Variants in ZNF100 observed in about 807,000 individuals in gnomAD.
ZNF100 encodes the protein zinc finger protein 100.
Under a neutral mutation model 15.8 loss-of-function variants are expected in ZNF100, and 12 were observed. That is an observed-to-expected ratio of 0.76 (90% CI 0.49 to 1.23). The LOEUF (loss-of-function observed/expected upper bound fraction) is 1.23, where lower values mean the gene tolerates loss of function less well. Ranked by LOEUF, ZNF100 falls within the 50% of genes most tolerant of loss-of-function variation. The pLI is 0.00. For synonymous variants in ZNF100, 226 were observed against 214.8 expected (o/e 1.05, Z -0.45); for missense variants, 670 against 635.6 (o/e 1.05, Z -0.58).
At position 21,726,707 on chromosome 19, in the gene ZNF100, G is replaced by A. The variant is rs758886174; in HGVS notation, c.1605C>T (p.Tyr535=). 1.2e-6 allele frequency: 2 copies of A among 1,609,378 alleles called. No homozygotes were observed. The highest frequency in any genetic ancestry group is 2.2e-5 in the East Asian group (1 of 44,854). The change falls in exon 5 of 5, where the codon TAC becomes TAT. Residue 535 remains tyrosine (Y), a synonymous_variant. Transcript: ENST00000358296. ...SLSLIKQNNS[Y]WRETLQM The stretch of plus-strand genomic sequence containing the variant: ...TTCACATTTGTAGGGTTTCTCTCCA[G>A]TATGAGTTATTTTGTTTAATAAGGC...
At chr19:21,761,855 C>T (rs973491989) in intron 2 of ZNF100, among the ~76,000 whole-genome samples, 2 of 152,176 alleles carry the variant, frequency 1.3e-5, no homozygotes, top group Non-Finnish European at 2.9e-5. Flanking sequence ...TTGCTCACAT[C>T]TTGGAGACAA....
chr19:21,740,631 G>C (rs2036091562), intron 4 of ZNF100, among the ~76,000 whole-genome samples: 1 of 152,268 alleles, frequency 6.6e-6, no homozygotes, highest in African/African-American at 2.4e-5. Flanking sequence ...GAGGTGGGCG[G>C]ATCACCTGAG....
rs2036297964 is a variant in ZNF100, at chr19:21,750,981, C to T, written c.97-5914G>A. 11 of 1,110,164 alleles carry T rather than the reference C, an allele frequency of 9.9e-6. No homozygotes were observed. The East Asian group carries it at 2.5e-4, about 25-fold the overall frequency. The allele number at this position is 1,110,164 out of a possible 1,614,324, so 68.8% of individuals were successfully genotyped here. On this transcript the variant is annotated intron_variant, in intron 2 of 4. Coordinates refer to ENST00000358296, the MANE Select transcript of ZNF100 (RefSeq NM_173531.4). ...GGGGATGCGGTGGCGGTAGCGCCCG[C>T]TTCTGTGGAGCCTACCAGTTGGATT...
rs543682506 is a variant in ZNF100, at chr19:21,725,726, A to T, written c.*957T>A. ...GCATACTTTGAATGCAATAACTGCAAAAAATTTCTACTTTTAAAGTTATAT... is the reference window on the plus strand; with the variant it reads ...GCATACTTTGAATGCAATAACTGCATAAAATTTCTACTTTTAAAGTTATAT... On this transcript the variant is annotated 3_prime_UTR_variant, in exon 5 of 5. Transcript: ENST00000358296. The T allele has an allele frequency of 6.6e-6, 1 of 152,288 alleles. No individual in the cohort carries two copies. The highest frequency in any genetic ancestry group is 2.4e-5 in the African/African-American group (1 of 41,590). 9.4% of individuals were successfully genotyped at this position (152,288 alleles called of 1,614,324 possible).
intron 2 of ZNF100, chr19:21,751,085 C>T: frequency 3.5e-6 from 5 of 1,436,150 alleles, no homozygotes; most frequent in East Asian, 2.3e-5. Context: ...GAGTCAAACC[C>T]TTCTGACCAT....
In ZNF100 at chr19:21,723,965, T is replaced by A. The variant is rs2145671739; in HGVS notation, c.*2718A>T. The A allele has an allele frequency of 6.6e-6, 1 of 152,330 alleles. No individual in the cohort carries two copies. Among genetic ancestry groups the A allele is most frequent in the South Asian group, 2.1e-4 (1 of 4,826 alleles). 9.4% of individuals were successfully genotyped at this position (152,330 alleles called of 1,614,324 possible). On this transcript the variant is annotated 3_prime_UTR_variant, in exon 5 of 5. Transcript: ENST00000358296. ...GTAACTTAATACACTAATTGTGGAA[T>A]TACATTTAAAAATTTTGTATGCACT...
intron 2 of ZNF100, among the ~76,000 whole-genome samples, chr19:21,747,565 C>T (rs1202325906): frequency 6.6e-6 from 1 of 152,200 alleles, no homozygotes; most frequent in African/African-American, 2.4e-5. Flanking sequence ...CTCCCCCAGG[C>T]TCATCATTAG....
chr19:21,750,994 T>C, intron 2 of ZNF100: 1 of 1,168,220 alleles, frequency 8.6e-7, no homozygotes, highest in Non-Finnish European at 1.2e-6. Context: ...CTGTGGAGCC[T>C]ACCAGTTGGA....
At position 21,751,144 on chromosome 19, in the gene ZNF100, G is replaced by A. The variant is rs149889142; in HGVS notation, c.97-6077C>T. On this transcript the variant is annotated intron_variant, in intron 2 of 4. Coordinates refer to ENST00000358296, the MANE Select transcript of ZNF100 (RefSeq NM_173531.4). ...GAGCAAATCTCAAACCGATGTGCGA[G>A]ACAAGAGGAAGAGCAACCACTTAAA... The A allele has an allele frequency of 3.7e-4, 498 of 1,355,466 alleles. No individual in the cohort carries two copies. The African/African-American group carries it at 4.0e-3, about 11-fold the overall frequency. 84.0% of individuals were successfully genotyped at this position (1,355,466 alleles called of 1,614,324 possible).
chr19:21,757,181 T>C (rs1174556684), intron 2 of ZNF100, among the ~76,000 whole-genome samples: 2 of 152,212 alleles, frequency 1.3e-5, no homozygotes, highest in Non-Finnish European at 2.9e-5. Context: ...CACATGCCTA[T>C]AATTCTAGCA....
rs191622970 is a variant in ZNF100 at position 21,744,200 on chromosome 19, G to A, written c.224-85C>T. On this transcript the variant is annotated intron_variant, in intron 3 of 4. Transcript: ENST00000358296. ...TATGCTTAGTAAAGAGGAGGTGATA[G>A]AATATTCTAGAAAATTAATCCTAAC... is the stretch of plus-strand genomic sequence containing the variant. 1,240 of 1,169,868 alleles carry A rather than the reference G, an allele frequency of 1.1e-3. 1 individual carries two copies. The highest frequency in any genetic ancestry group is 8.3e-3 in the South Asian group (307 of 37,024). The allele number at this position is 1,169,868 out of a possible 1,614,324, so 72.5% of individuals were successfully genotyped here.
intron 2 of ZNF100, among the ~76,000 whole-genome samples, chr19:21,745,840 C>T (rs546538341): frequency 1.3e-5 from 2 of 152,172 alleles, no homozygotes; most frequent in Non-Finnish European, 2.9e-5. Context: ...GAATTTCTAA[C>T]GAGCTCACTA....
At position 21,744,981 on chromosome 19, in the gene ZNF100, C is replaced by T; in HGVS notation, c.183G>A (p.Arg61=). ...CLDSAQQGLY[R]KVMLENYRNL... ...TTCTGTAGTTCTCTAACATCACTTTCCTATACAAACCCTGCTGAGCACTGT... is the reference window on the plus strand; with the variant it reads ...TTCTGTAGTTCTCTAACATCACTTTTCTATACAAACCCTGCTGAGCACTGT... The change falls in exon 3 of 5, where the codon AGG becomes AGA. Residue 61 remains arginine, a synonymous_variant. Transcript: ENST00000358296. The T allele has an allele frequency of 6.2e-7, 1 of 1,611,178 alleles. No homozygotes were observed. Among genetic ancestry groups the T allele is most frequent in the Non-Finnish European group, 8.5e-7 (1 of 1,179,444 alleles).
chr19:21,765,822 T>C, intron 1 of ZNF100, 36 bp from the exon 2 acceptor site: 1 of 1,578,250 alleles, frequency 6.3e-7, no homozygotes, highest in South Asian at 1.1e-5. Flanking sequence ...TGACATTCAC[T>C]AGGCACTTTA....
intron 2 of ZNF100, among the ~76,000 whole-genome samples, chr19:21,763,771 A>G (rs2036518170): frequency 6.6e-6 from 1 of 152,104 alleles, no homozygotes. Flanking sequence ...TTCAATCTCC[A>G]ACTGCCATTC....
At chr19:21,731,898 TA>T (rs1426379152) in intron 4 of ZNF100, among the ~76,000 whole-genome samples, 1 of 152,198 alleles carries the variant, frequency 6.6e-6, no homozygotes, top group Non-Finnish European at 1.5e-5. Flanking sequence ...TAAAACATTC[TA>T]GGGGTATGCT....
At chr19:21,765,915 G>A in intron 1 of ZNF100, 129 bp from the exon 2 acceptor site, 1 of 825,920 alleles carries the variant, frequency 1.2e-6, no homozygotes, top group Non-Finnish European at 1.9e-6. Flanking sequence ...AAGGGTGGCT[G>A]AGGACACATC....
rs140708248 is a variant in ZNF100, at chr19:21,726,917, G to C, written c.1395C>G (p.Ala465=). The change falls in exon 5 of 5, where the codon GCC becomes GCG. Residue 465 remains alanine (A), a synonymous_variant. Coordinates refer to ENST00000358296, the MANE Select transcript of ZNF100 (RefSeq NM_173531.4). ...CAGTTAGTTGTGAGGACCGGTTAAA[G>C]GCTTTGCCACATTCGTCACATTTGT... ...KPYKCDECGK[A]FNRSSQLTAH... 421 of 1,610,814 alleles carry C rather than the reference G, an allele frequency of 2.6e-4. 2 individuals are homozygous for C. The highest frequency in any genetic ancestry group is 1.3e-3 in the Middle Eastern group (8 of 6,052).
intron 2 of ZNF100, chr19:21,753,047 G>T (rs544596272): frequency 1.3e-5 from 2 of 152,252 alleles, no homozygotes; most frequent in East Asian, 3.9e-4. Flanking sequence ...CACTCTTGAA[G>T]TCACTCTTGA....
Sources: allele counts gnomAD v4.1 joint callset (sites outside exome capture counted in the v4.1 genomes callset), GRCh38; gene constraint gnomAD v4.1.1; transcripts MANE v1.5; gene names NCBI Gene and HGNC (gene_info 2026-07-23, HGNC 2026-07-21).